Variants in SMARCAD1 observed in about 807,000 individuals in gnomAD.
The protein encoded by SMARCAD1 is SNF2 related chromatin remodeling ATPase with DExD box 1, also known as SWI/SNF-related matrix-associated actin-dependent regulator of chromatin subfamily A containing DEAD/H box 1.
SMARCAD1 carries 25 observed loss-of-function variants against 127.1 expected under a neutral mutation model. That is an observed-to-expected ratio of 0.20 (90% CI 0.14 to 0.27). The LOEUF (loss-of-function observed/expected upper bound fraction) is 0.27. Ranked by LOEUF, SMARCAD1 falls within the 10% of genes least tolerant of loss-of-function variation. SMARCAD1 has a pLI of 1.00. For missense variants in SMARCAD1, 807 were observed against 1,206.0 expected, an observed-to-expected ratio of 0.67 and a Z score of 4.90; for synonymous variants, 400 against 396.9, an observed-to-expected ratio of 1.01 and a Z score of -0.09.
chr4:94,287,788 A>T (rs993816839), intron 23 of SMARCAD1, among the ~76,000 whole-genome samples: 5 of 152,010 alleles, frequency 3.3e-5, no homozygotes, highest in South Asian at 2.1e-4. Context: ...GAACTTTAAA[A>T]ATATATATAT....
intron 21 of SMARCAD1, 25 bp from the exon 22 acceptor site, chr4:94,283,096 T>G (rs371660055): frequency 1.5e-5 from 24 of 1,589,712 alleles, no homozygotes; most frequent in Non-Finnish European, 1.8e-5. Flanking sequence ...TTAGTGAGAT[T>G]TAACCTAATT....
intron 23 of SMARCAD1, among the ~76,000 whole-genome samples, chr4:94,286,280 A>G (rs866364263): frequency 8.5e-5 from 13 of 152,188 alleles, no homozygotes; most frequent in African/African-American, 2.2e-4. Flanking sequence ...CTTCTCTTCT[A>G]TGACAAGTCC....
chr4:94,219,794 A>G (rs764284011), intron 2 of SMARCAD1, among the ~76,000 whole-genome samples: 11 of 152,226 alleles, frequency 7.2e-5, no homozygotes, highest in Non-Finnish European at 1.3e-4. Flanking sequence ...AATTATGCTT[A>G]TAACATAGTT....
chr4:94,232,387 A>C (rs1178160509), intron 3 of SMARCAD1, among the ~76,000 whole-genome samples: 1 of 152,224 alleles, frequency 6.6e-6, no homozygotes, highest in East Asian at 1.9e-4. Flanking sequence ...AGGAATTATA[A>C]AAGGATTTTA....
At chr4:94,235,636 G>A (rs1003902237) in intron 4 of SMARCAD1, among the ~76,000 whole-genome samples, 1 of 144,680 alleles carries the variant, frequency 6.9e-6, no homozygotes, top group African/African-American at 2.6e-5. Context: ...GTCTGCTAAT[G>A]TGAATTTTTT....
rs79564963 is a variant in SMARCAD1 at position 94,226,640 on chromosome 4, A to G, written c.368+344A>G. On this transcript the variant is annotated intron_variant, in intron 3 of 23. Transcript: ENST00000354268. Reference sequence around the variant, plus strand: ...TGCTTTATGATTTATTCTAAAGTCCATGAATCAAGTCATTTTAACATGTTT... The same window carrying G: ...TGCTTTATGATTTATTCTAAAGTCCGTGAATCAAGTCATTTTAACATGTTT... Among the ~76,000 whole-genome samples, 18 of 151,982 alleles carry G rather than the reference A, an allele frequency of 1.2e-4. No individual in the cohort carries two copies. The East Asian group carries it at 2.7e-3, about 23-fold the overall frequency.
At chr4:94,283,413 A>G in intron 22 of SMARCAD1, 110 bp downstream of exon 22, 1 of 974,652 alleles carries the variant, frequency 1.0e-6, no homozygotes, top group Non-Finnish European at 1.6e-6. Context: ...TTTTCGGCAA[A>G]GCATGGCTAC....
intron 3 of SMARCAD1, among the ~76,000 whole-genome samples, chr4:94,231,238 A>T (rs940062091): frequency 3.9e-5 from 6 of 152,174 alleles, no homozygotes; most frequent in Non-Finnish European, 8.8e-5. Context: ...AATTGAATTA[A>T]TGCAGTCTTG....
intron 22 of SMARCAD1, among the ~76,000 whole-genome samples, chr4:94,284,634 A>AGGCTGATC (rs1754673044): frequency 6.8e-6 from 1 of 147,012 alleles, no homozygotes; most frequent in African/African-American, 2.6e-5. Context: ...CATGTTGGCC[A>AGGCTGATC]GGCTGATCGG....
chr4:94,288,670 G>A (rs3113849), intron 23 of SMARCAD1, among the ~76,000 whole-genome samples: 1 of 152,182 alleles, frequency 6.6e-6, no homozygotes, highest in South Asian at 2.1e-4. Flanking sequence ...GAGGAGGAGA[G>A]AAGTGGTTAG....
intron 16 of SMARCAD1, among the ~76,000 whole-genome samples, chr4:94,278,149 G>A (rs1753560782): frequency 6.6e-6 from 1 of 152,154 alleles, no homozygotes; most frequent in Non-Finnish European, 1.5e-5. Context: ...CTCATCAGTT[G>A]ATGACTTCTG....
chr4:94,246,690 C>A (rs1368206948), intron 6 of SMARCAD1, among the ~76,000 whole-genome samples: 1 of 152,198 alleles, frequency 6.6e-6, no homozygotes, highest in Non-Finnish European at 1.5e-5. Flanking sequence ...AAAATACCCA[C>A]TACCTGTATC....
At chr4:94,283,505 C>G (rs1003389495) in intron 22 of SMARCAD1, among the ~76,000 whole-genome samples, 1 of 152,164 alleles carries the variant, frequency 6.6e-6, no homozygotes. Flanking sequence ...CACCCACATT[C>G]CAAATAGTTC....
At chr4:94,238,178 A>G (rs897207731) in intron 5 of SMARCAD1, among the ~76,000 whole-genome samples, 6 of 152,150 alleles carry the variant, frequency 3.9e-5, no homozygotes, top group Non-Finnish European at 8.8e-5. Flanking sequence ...TATTTTATCC[A>G]TATGAAATAT....
intron 2 of SMARCAD1, among the ~76,000 whole-genome samples, chr4:94,210,929 C>CAAAAAA (rs747690168): frequency 1.1e-3 from 60 of 57,042 alleles, no homozygotes; most frequent in African/African-American, 4.6e-3. Context: ...GACTGTATCT[C>CAAAAAA]AAAAAAAAAA....
chr4:94,256,668 C>T (rs1553918356), intron 9 of SMARCAD1, among the ~76,000 whole-genome samples: 1 of 152,096 alleles, frequency 6.6e-6, no homozygotes, highest in Non-Finnish European at 1.5e-5. Flanking sequence ...TGGTCCTTTG[C>T]TTTGTTTAAC....
intron 22 of SMARCAD1, among the ~76,000 whole-genome samples, chr4:94,284,612 A>T (rs1406471007): frequency 1.0e-4 from 15 of 144,746 alleles, no homozygotes; most frequent in African/African-American, 3.9e-4. Flanking sequence ...TTAAGTGGAG[A>T]CAGGGTTTTG....
chr4:94,262,904 A>AG (rs1553919113), intron 9 of SMARCAD1, among the ~76,000 whole-genome samples: 1,672 of 97,068 alleles, frequency 0.017, 12 homozygotes, highest in African/African-American at 0.04. Flanking sequence ...AAAAAAAAAA[A>AG]AAAGAAAGAA....
intron 2 of SMARCAD1, among the ~76,000 whole-genome samples, chr4:94,223,587 A>T (rs1258371914): frequency 2.7e-5 from 4 of 148,984 alleles, no homozygotes; most frequent in Admixed American, 6.7e-5. Flanking sequence ...TTTTTTTTGG[A>T]GACAGAGTTA....
Sources: gnomAD v4.1 joint callset for allele counts (sites outside exome capture counted in the v4.1 genomes callset) on GRCh38, gnomAD v4.1.1 for gene constraint, MANE v1.5 for transcripts, NCBI Gene and HGNC (gene_info 2026-07-23, HGNC 2026-07-21) for gene names.